Variants in METTL16 observed in about 807,000 individuals in gnomAD.
The protein encoded by METTL16 is RNA N(6)-adenosine-methyltransferase METTL16.
A neutral mutation model predicts 57.9 loss-of-function variants in METTL16; 19 were observed. The ratio of observed to expected loss-of-function variants is 0.33; its 90% CI spans 0.23 to 0.48. The LOEUF (loss-of-function observed/expected upper bound fraction) is 0.48, where lower values mean the gene tolerates loss of function less well. METTL16 is among the 20% of genes least tolerant of loss of function. The pLI is 0.99. For missense variants in METTL16, 434 were observed against 691.5 expected (o/e 0.63, Z 4.18); for synonymous variants, 246 against 255.6 (o/e 0.96, Z 0.36).
At chr17:2,464,553 T>TA (rs1405019118) in intron 5 of METTL16, among the ~76,000 whole-genome samples, 3 of 152,258 alleles carry the variant, frequency 2.0e-5, no homozygotes, top group Non-Finnish European at 4.4e-5. Context: ...CCAGGTCTTT[T>TA]ACTTTCCATT....
chr17:2,440,894 C>A (rs1344856464), intron 7 of METTL16, among the ~76,000 whole-genome samples: 1 of 147,524 alleles, frequency 6.8e-6, no homozygotes, highest in Non-Finnish European at 1.5e-5. Flanking sequence ...ATGGGTTGAG[C>A]CCAGGAGTTC....
intron 6 of METTL16, among the ~76,000 whole-genome samples, chr17:2,452,593 C>T (rs908723499): frequency 6.6e-6 from 1 of 152,174 alleles, no homozygotes; most frequent in African/African-American, 2.4e-5. Context: ...CTTATTACAA[C>T]ATTTAGGAAT....
intron 4 of METTL16, among the ~76,000 whole-genome samples, chr17:2,471,404 G>T (rs543588995): frequency 5.3e-5 from 8 of 151,986 alleles, no homozygotes; most frequent in Admixed American, 5.3e-4. Flanking sequence ...ACTCCTGACC[G>T]GAAGGATCTA....
At chr17:2,448,789 TAAAAA>T (rs2067041811) in intron 6 of METTL16, among the ~76,000 whole-genome samples, 2 of 47,734 alleles carry the variant, frequency 4.2e-5, no homozygotes, top group Non-Finnish European at 1.1e-4. Context: ...AATAAAAAAA[TAAAAA>T]TAAAATTTAA....
At chr17:2,446,916 G>A (rs1230347571) in intron 6 of METTL16, among the ~76,000 whole-genome samples, 2 of 151,448 alleles carry the variant, frequency 1.3e-5, no homozygotes, top group Admixed American at 6.6e-5. Flanking sequence ...GCAGTGGCGT[G>A]ATCTCGGCTC....
chr17:2,467,737 A>T, intron 5 of METTL16, 24 bp downstream of exon 5: 2 of 1,583,346 alleles, frequency 1.3e-6, no homozygotes, highest in Non-Finnish European at 1.7e-6. Flanking sequence ...ATATTCAATT[A>T]TTTTAAAGCA....
rs373454470 is a variant in METTL16, at chr17:2,480,130, G to A, written c.129-2245C>T. 4.7e-5 allele frequency among the ~76,000 whole-genome samples: 7 copies of A among 149,942 alleles called. No individual in the cohort carries two copies. The East Asian group carries it at 1.2e-3, about 25-fold the overall frequency. ...GAACCCGGAAGGCAGAGGTTGCAGT[G>A]AGCCGAGACTGTGCCACTGCACTTC... On this transcript the variant is annotated intron_variant, in intron 2 of 9. Transcript: ENST00000263092.
chr17:2,492,270 T>C (rs1017764467), intron 2 of METTL16, among the ~76,000 whole-genome samples: 5 of 152,120 alleles, frequency 3.3e-5, no homozygotes, highest in Non-Finnish European at 5.9e-5. Flanking sequence ...CTATTCAAGC[T>C]GAACTGACAG....
chr17:2,447,755 G>A (rs2067018595), intron 6 of METTL16, among the ~76,000 whole-genome samples: 1 of 136,206 alleles, frequency 7.3e-6, no homozygotes, highest in African/African-American at 2.9e-5. Flanking sequence ...GAGGGAGGTG[G>A]GGGGATCAGC....
intron 2 of METTL16, among the ~76,000 whole-genome samples, chr17:2,482,238 T>C (rs147667930): frequency 6.6e-6 from 1 of 152,332 alleles, no homozygotes; most frequent in East Asian, 1.9e-4. Flanking sequence ...AGCGAAACCA[T>C]ACGTAACAAA....
At chr17:2,495,071 C>A (rs559283898) in intron 2 of METTL16, among the ~76,000 whole-genome samples, 1 of 151,578 alleles carries the variant, frequency 6.6e-6, no homozygotes, top group South Asian at 2.1e-4. Flanking sequence ...CAGGATTGGC[C>A]AGGCATGGTG....
chr17:2,496,622 C>T (rs2067448154), intron 2 of METTL16, among the ~76,000 whole-genome samples: 1 of 151,634 alleles, frequency 6.6e-6, no homozygotes, highest in South Asian at 2.1e-4. Context: ...TATTTTTGCG[C>T]ATCCCTTTAC....
intron 8 of METTL16, among the ~76,000 whole-genome samples, chr17:2,433,724 T>A (rs1459510192): frequency 6.6e-6 from 1 of 152,218 alleles, no homozygotes; most frequent in Non-Finnish European, 1.5e-5. Flanking sequence ...TATCCAGTGC[T>A]TCAAATCTAC....
intron 8 of METTL16, among the ~76,000 whole-genome samples, chr17:2,427,975 G>C (rs1317675089): frequency 6.7e-6 from 1 of 149,956 alleles, no homozygotes; most frequent in East Asian, 2.0e-4. Flanking sequence ...AAATTAGCTG[G>C]ATGTGGTGGC....
intron 1 of METTL16, among the ~76,000 whole-genome samples, chr17:2,506,835 A>T (rs2067541246): frequency 6.7e-6 from 1 of 148,354 alleles, no homozygotes; most frequent in African/African-American, 2.5e-5. Context: ...CCATCTAGGA[A>T]GTGAGGAGCG....
intron 4 of METTL16, 69 bp from the exon 5 acceptor site, chr17:2,467,945 G>T: frequency 9.6e-7 from 1 of 1,038,082 alleles, no homozygotes; most frequent in Non-Finnish European, 1.5e-6. Context: ...ACCGCGCACT[G>T]CGTAATGATT....
At chr17:2,470,267 T>G (rs987491453) in intron 4 of METTL16, among the ~76,000 whole-genome samples, 11 of 151,660 alleles carry the variant, frequency 7.3e-5, no homozygotes, top group African/African-American at 2.7e-4. Flanking sequence ...AGGGACTATT[T>G]TAAACAGCAA....
intron 2 of METTL16, among the ~76,000 whole-genome samples, chr17:2,486,077 G>A (rs570867898): frequency 9.2e-4 from 140 of 152,322 alleles, no homozygotes; most frequent in Non-Finnish European, 1.6e-3. Context: ...AGCATTCCAG[G>A]TACTAAGAGA....
intron 6 of METTL16, among the ~76,000 whole-genome samples, chr17:2,442,101 G>C (rs905872633): frequency 3.3e-5 from 5 of 152,142 alleles, no homozygotes; most frequent in Non-Finnish European, 7.4e-5. Context: ...CTGATTAAAA[G>C]GTAAAGGGAT....
Sources: gnomAD v4.1 joint callset for allele counts (sites outside exome capture counted in the v4.1 genomes callset) on GRCh38, gnomAD v4.1.1 for gene constraint, MANE v1.5 for transcripts, NCBI Gene and HGNC (gene_info 2026-07-23, HGNC 2026-07-21) for gene names.